MAD1L1: variants seen among roughly 807,000 people sequenced by gnomAD.
MAD1L1 encodes mitotic spindle assembly checkpoint protein MAD1.
A neutral mutation model predicts 96.9 loss-of-function variants in MAD1L1; 95 were observed. That is an observed-to-expected ratio of 0.98 (90% CI 0.83 to 1.16). The LOEUF (loss-of-function observed/expected upper bound fraction) is 1.16, where lower values mean the gene tolerates loss of function less well. Among genes scored for constraint, MAD1L1 ranks in the 50% most tolerant of loss-of-function variants. The pLI, the probability that MAD1L1 is intolerant of heterozygous loss-of-function variation, is 0.00. For synonymous variants in MAD1L1, 473 were observed against 396.6 expected (o/e 1.19, Z -2.29); for missense variants, 1,007 against 954.4 (o/e 1.06, Z -0.73).
intron 12 of MAD1L1, among the ~76,000 whole-genome samples, chr7:2,034,333 C>G (rs772092151): frequency 6.6e-6 from 1 of 151,848 alleles, no homozygotes; most frequent in Non-Finnish European, 1.5e-5. Flanking sequence ...TCTCCTGCCT[C>G]AGCCTCCTGA....
chr7:1,952,980 T>C (rs970341688), intron 16 of MAD1L1, among the ~76,000 whole-genome samples: 14 of 152,158 alleles, frequency 9.2e-5, no homozygotes, highest in Non-Finnish European at 2.1e-4. Context: ...CACCTGGGCA[T>C]GGACGCCAGC....
At position 2,229,986 on chromosome 7, in the gene MAD1L1, G is replaced by T; in HGVS notation, c.148C>A (p.Gln50Lys). The T allele has an allele frequency of 6.2e-7, 1 of 1,612,448 alleles. No homozygotes were observed. Among genetic ancestry groups the T allele is most frequent in the Non-Finnish European group, 8.5e-7 (1 of 1,179,954 alleles). ...SLQMQYQQSM[Q>K]LEERAEQIRS... Reference sequence around the variant, plus strand: ...CCACCCAGGCACATGCCACTCACCTGCATGCTCTGCTGGTACTGCATCTGC... The same window carrying T: ...CCACCCAGGCACATGCCACTCACCTTCATGCTCTGCTGGTACTGCATCTGC... The change falls in exon 3 of 19, where the codon CAG (glutamine) becomes AAG (lysine). Residue 50 changes from glutamine (Q) to lysine (K), a missense_variant and splice_region_variant. Gln to Lys is a moderately conservative substitution (Grantham distance 53). Coordinates refer to ENST00000265854, the MANE Select transcript of MAD1L1 (RefSeq NM_001013836.2).
intron 17 of MAD1L1, among the ~76,000 whole-genome samples, chr7:1,920,141 G>A (rs1788686213): frequency 6.6e-6 from 1 of 152,202 alleles, no homozygotes; most frequent in African/African-American, 2.4e-5. Flanking sequence ...CCCAGTACAT[G>A]AGTGCTCCTG....
intron 18 of MAD1L1, among the ~76,000 whole-genome samples, chr7:1,873,499 C>A (rs529465695): frequency 1.3e-5 from 2 of 150,808 alleles, no homozygotes; most frequent in South Asian, 2.1e-4. Context: ...GAGCACGGCA[C>A]GGCCGGGGCT....
At chr7:1,936,931 C>A (rs756919197) in intron 16 of MAD1L1, 34 bp from the exon 17 acceptor site, 2 of 1,525,080 alleles carry the variant, frequency 1.3e-6, no homozygotes, top group Non-Finnish European at 1.8e-6. Flanking sequence ...GTCACCATGG[C>A]CCAGGCACAC....
chr7:1,911,297 C>G (rs1031292098), intron 17 of MAD1L1, among the ~76,000 whole-genome samples: 2 of 152,114 alleles, frequency 1.3e-5, no homozygotes, highest in African/African-American at 4.8e-5. Context: ...AATTCTACTT[C>G]CTGTCACCCT....
intron 18 of MAD1L1, among the ~76,000 whole-genome samples, chr7:1,829,247 G>A (rs1782582715): frequency 6.6e-6 from 1 of 152,238 alleles, no homozygotes; most frequent in African/African-American, 2.4e-5. Flanking sequence ...GTGACTTACA[G>A]CGGATGCAAA....
chr7:1,965,859 C>T (rs995391621), intron 15 of MAD1L1, among the ~76,000 whole-genome samples: 1 of 152,252 alleles, frequency 6.6e-6, no homozygotes, highest in African/African-American at 2.4e-5. Context: ...CGAAGAGAGC[C>T]CCACGTCCCT....
chr7:1,963,302 T>A (rs571254775), intron 15 of MAD1L1, among the ~76,000 whole-genome samples: 5 of 152,292 alleles, frequency 3.3e-5, no homozygotes, highest in Non-Finnish European at 7.3e-5. Context: ...CCAGCCATGC[T>A]GCGTGGAAGA....
rs1793635169 is a variant in MAD1L1, at chr7:2,222,052, TA to T, written c.471+522del. Among the ~76,000 whole-genome samples, 4 of 149,076 alleles carry T rather than the reference TA, an allele frequency of 2.7e-5. No homozygotes were observed. The South Asian group carries it at 8.4e-4, about 31-fold the overall frequency. ...TTCATCATCCATTTAAATTCATAAT[TA>T]CAAAGGCAAAAAAGTGCTTAACTTT... is the stretch of plus-strand genomic sequence containing the variant. On this transcript the variant is annotated intron_variant, in intron 5 of 18. Transcript: ENST00000265854.
intron 17 of MAD1L1, among the ~76,000 whole-genome samples, chr7:1,917,024 C>T (rs1227008350): frequency 3.3e-5 from 5 of 152,160 alleles, no homozygotes; most frequent in Non-Finnish European, 5.9e-5. Context: ...ACAGGAATGT[C>T]CTCCACTCCC....
intron 18 of MAD1L1, among the ~76,000 whole-genome samples, chr7:1,892,797 A>G (rs1786630692): frequency 6.6e-6 from 1 of 152,212 alleles, no homozygotes; most frequent in Non-Finnish European, 1.5e-5. Context: ...CCTGGACAGC[A>G]AGGAATGAGG....
chr7:1,953,990 C>T (rs1299245768), intron 16 of MAD1L1, among the ~76,000 whole-genome samples: 1 of 152,150 alleles, frequency 6.6e-6, no homozygotes, highest in African/African-American at 2.4e-5. Context: ...CCCCTCTCTA[C>T]CCAGGGCGGC....
In MAD1L1 at chr7:2,167,552, A is replaced by T. The variant is rs926609080; in HGVS notation, c.987-18314T>A. ...CAACAGAGCGAGACTCCGTCTCAAA[A>T]AATAATAATAATAATAATAATAATT... On this transcript the variant is annotated intron_variant, in intron 10 of 18. Coordinates refer to ENST00000265854, the MANE Select transcript of MAD1L1 (RefSeq NM_001013836.2). 3.9e-4 allele frequency among the ~76,000 whole-genome samples: 59 copies of T among 150,668 alleles called. No homozygotes were observed. The East Asian group carries it at 0.011, about 27-fold the overall frequency.
intron 18 of MAD1L1, among the ~76,000 whole-genome samples, chr7:1,839,945 C>T (rs1783154573): frequency 6.6e-6 from 1 of 152,228 alleles, no homozygotes; most frequent in African/African-American, 2.4e-5. Context: ...CCATCGGCCC[C>T]CCAATCCCTG....
chr7:1,963,189 A>G (rs1205475894), intron 15 of MAD1L1, among the ~76,000 whole-genome samples: 1 of 152,192 alleles, frequency 6.6e-6, no homozygotes, highest in Non-Finnish European at 1.5e-5. Flanking sequence ...AAAAACTCCA[A>G]ATGTCCATCG....
chr7:1,990,433 C>T (rs1438179496), intron 14 of MAD1L1, among the ~76,000 whole-genome samples: 1 of 152,242 alleles, frequency 6.6e-6, no homozygotes, highest in Non-Finnish European at 1.5e-5. Flanking sequence ...GGAGTCCACT[C>T]TCCAGCTTCC....
intron 17 of MAD1L1, among the ~76,000 whole-genome samples, chr7:1,906,135 C>G (rs1787616543): frequency 6.6e-6 from 1 of 151,988 alleles, no homozygotes; most frequent in Non-Finnish European, 1.5e-5. Flanking sequence ...CCTGAGGAGA[C>G]CAGCCCCTGC....
intron 17 of MAD1L1, among the ~76,000 whole-genome samples, chr7:1,916,552 C>A (rs1788409078): frequency 6.6e-6 from 1 of 152,204 alleles, no homozygotes; most frequent in African/African-American, 2.4e-5. Context: ...GGGACACACG[C>A]CCAGCAGACA....
Sources: gnomAD v4.1 joint callset for allele counts (sites outside exome capture counted in the v4.1 genomes callset) on GRCh38, gnomAD v4.1.1 for gene constraint, MANE v1.5 for transcripts, NCBI Gene and HGNC (gene_info 2026-07-23, HGNC 2026-07-21) for gene names.